The following DAB2IP variants were observed in gnomAD, a reference collection of about 807,000 sequenced individuals.
DAB2IP encodes the protein disabled homolog 2-interacting protein.
In DAB2IP, 28 loss-of-function variants were observed where a neutral mutation model predicts 107.2. That is an observed-to-expected ratio of 0.26 (90% CI 0.19 to 0.36). DAB2IP has a LOEUF of 0.36. DAB2IP is among the 10% of genes least tolerant of loss of function. The pLI is 1.00. For missense variants in DAB2IP, 1,400 were observed against 1,644.7 expected, an observed-to-expected ratio of 0.85 and a Z score of 2.57; for synonymous variants, 755 against 706.4, an observed-to-expected ratio of 1.07 and a Z score of -1.09.
At chr9:121,754,223 A>G (rs970894975) in intron 3 of DAB2IP, among the ~76,000 whole-genome samples, 4 of 152,218 alleles carry the variant, frequency 2.6e-5, no homozygotes, top group African/African-American at 9.6e-5. Context: ...GGGTCACAGC[A>G]GACCAGCTCC....
intron 1 of DAB2IP, chr9:121,574,770 T>C (rs552160060): frequency 6.6e-6 from 1 of 152,272 alleles, no homozygotes; most frequent in Admixed American, 6.5e-5. Flanking sequence ...CCCTTTCCCA[T>C]GCCCAGGGGG....
At chr9:121,595,807 G>A (rs868072682) in intron 1 of DAB2IP, among the ~76,000 whole-genome samples, 1 of 152,016 alleles carries the variant, frequency 6.6e-6, no homozygotes, top group East Asian at 1.9e-4. Flanking sequence ...TATTCTGTTC[G>A]GCATGTTTAA....
intron 2 of DAB2IP, among the ~76,000 whole-genome samples, chr9:121,688,928 T>C (rs1829024597): frequency 6.6e-6 from 1 of 152,108 alleles, no homozygotes; most frequent in African/African-American, 2.4e-5. Flanking sequence ...GCCAGAGTGG[T>C]CCCCTGCCTT....
chr9:121,734,234 G>A lies in DAB2IP; in HGVS notation c.363-22779G>A, dbSNP rs867487134. Among the ~76,000 whole-genome samples, 20 of 149,420 alleles carry A rather than the reference G, an allele frequency of 1.3e-4. 1 individual carries two copies. The South Asian group carries it at 1.5e-3, about 11-fold the overall frequency. ...CTACTAAAAATACAAAAAATTAGCC[G>A]GGCGCGGTGGCGGGCGCCTGTAGTC... On this transcript the variant is annotated intron_variant, in intron 3 of 15. Transcript: ENST00000408936.
chr9:121,656,132 C>G (rs1407238009), intron 1 of DAB2IP, among the ~76,000 whole-genome samples: 1 of 152,102 alleles, frequency 6.6e-6, no homozygotes, highest in African/African-American at 2.4e-5. Flanking sequence ...CCTCAGCCTC[C>G]CGAGTAGCTG....
At chr9:121,715,637 G>A (rs1264569610) in intron 3 of DAB2IP, among the ~76,000 whole-genome samples, 5 of 152,142 alleles carry the variant, frequency 3.3e-5, no homozygotes, top group African/African-American at 1.2e-4. Flanking sequence ...ACAGGCCTGA[G>A]CCACTGCACC....
rs529570797 is a variant in DAB2IP, at chr9:121,746,289, A to C, written c.363-10724A>C. The stretch of plus-strand genomic sequence containing the variant: ...CTGGTTACTGAGGCTGTGTATGGAG[A>C]GCTCGCTGCAGGTCAGTTGAGCCCT... On this transcript the variant is annotated intron_variant, in intron 3 of 15. Coordinates refer to ENST00000408936, the Ensembl canonical transcript of DAB2IP. 5.9e-5 allele frequency among the ~76,000 whole-genome samples: 9 copies of C among 152,230 alleles called. No individual in the cohort carries two copies. In the South Asian group the frequency reaches 8.3e-4, roughly 14 times the overall value.
chr9:121,766,369 A>G, intron 8 of DAB2IP, 125 bp from the exon 9 acceptor site: 1 of 836,594 alleles, frequency 1.2e-6, no homozygotes, highest in South Asian at 1.6e-5. Flanking sequence ...GAGCTCAGAC[A>G]GCGGGGCTGA....
At chr9:121,572,296 T>A (rs949012792) in intron 1 of DAB2IP, among the ~76,000 whole-genome samples, 6 of 152,106 alleles carry the variant, frequency 3.9e-5, no homozygotes, top group African/African-American at 1.5e-4. Context: ...CATGAGACTA[T>A]AAGGCCCTTG....
rs116189689 is a variant in DAB2IP, at chr9:121,776,810, G to A, written c.3314+419G>A. 1.3e-3 allele frequency among the ~76,000 whole-genome samples: 195 copies of A among 152,154 alleles called. 1 individual carries two copies. The highest frequency in any genetic ancestry group is 4.3e-3 in the African/African-American group (180 of 41,510). ...AGTAGATGAAGGTGGAAGACACAGC[G>A]TAGCCCCCAGATTCCTACCAAGAGT... is the stretch of plus-strand genomic sequence containing the variant. On this transcript the variant is annotated intron_variant, in intron 14 of 15. Transcript: ENST00000408936. This position sits in a 1 kb window ranked among gnomAD's most constrained non-coding sequence, Gnocchi z 5.4.
At chr9:121,764,746 C>T (rs893901901) in intron 8 of DAB2IP, among the ~76,000 whole-genome samples, 7 of 152,230 alleles carry the variant, frequency 4.6e-5, no homozygotes, top group African/African-American at 1.7e-4. Context: ...GGCCTTACCT[C>T]ACTCCTTGTT....
Position 121,699,087 on chromosome 9 carries a change from A to AGGGGGCGGGGGCGACGTG in DAB2IP, c.229-236_229-219dup. Among the ~76,000 whole-genome samples, 1 of 143,118 alleles carries AGGGGGCGGGGGCGACGTG rather than the reference A, an allele frequency of 7.0e-6. No individual in the cohort carries two copies. Among genetic ancestry groups the AGGGGGCGGGGGCGACGTG allele is most frequent in the Non-Finnish European group, 1.5e-5 (1 of 64,968 alleles). The allele number at this position is 143,118 out of a possible 152,430, so 93.9% of individuals were successfully genotyped here. ...GGCGTCGCCAAGGCAACAGCGGCTT[A>AGGGGGCGGGGGCGACGTG]GGGGGCGGGGGCGACGTGGCGGGCG... On this transcript the variant is annotated intron_variant, in intron 2 of 15. Transcript: ENST00000408936. This position sits in a 1 kb window ranked among gnomAD's most constrained non-coding sequence, Gnocchi z 6.2.
rs367747884 is a variant in DAB2IP at position 121,760,027 on chromosome 9, A to G, written c.758A>G (p.Asn253Ser). Residue 253 changes from asparagine to serine, a missense_variant, in exon 6 of 16, where the codon AAT becomes AGT. Physicochemically the swap from Asn to Ser is conservative, Grantham distance 46. This residue lies in a region of DAB2IP where 517 missense variants were observed against 748.6 expected (regional missense o/e 0.69). Coordinates refer to ENST00000408936, the Ensembl canonical transcript of DAB2IP. The surrounding 1 kb of genome is among the most constrained non-coding windows in gnomAD (Gnocchi z 5.9). The stretch of plus-strand genomic sequence containing the variant: ...ACCACGGGCAAGCTCAAGACGGACA[A>G]TGTTTTCTGGGGCGAGCACTTCGAG... 17 of 1,613,966 alleles carry G rather than the reference A, an allele frequency of 1.1e-5. No individual in the cohort carries two copies. The highest frequency in any genetic ancestry group is 4.0e-5 in the African/African-American group (3 of 74,908).
intron 1 of DAB2IP, among the ~76,000 whole-genome samples, chr9:121,584,336 G>C (rs1830269404): frequency 6.6e-6 from 1 of 151,994 alleles, no homozygotes. Context: ...CCAGGAATTT[G>C]AGGCTGCAGT....
In DAB2IP at chr9:121,773,192, G is replaced by T. The variant is rs775509420; in HGVS notation, c.2664G>T (p.Glu888Asp). The T allele has an allele frequency of 6.3e-7, 1 of 1,583,682 alleles. No homozygotes were observed. Among genetic ancestry groups the T allele is most frequent in the Admixed American group, 1.8e-5 (1 of 56,050 alleles). The change falls in exon 12 of 16, where the codon GAG becomes GAT. Residue 888 changes from glutamate (E) to aspartate (D), a missense_variant. Transcript: ENST00000408936. ...AGGAGCTGGCTCGGCGGCCCGGTGA[G>T]CTGGCACGGCGACAGATGTCACTGA...
At position 121,682,764 on chromosome 9, in the gene DAB2IP, C is replaced by T. The variant is rs185888293; in HGVS notation, c.228+3983C>T. On this transcript the variant is annotated intron_variant, in intron 2 of 15. Transcript: ENST00000408936. ...AGAGAATGGGCTCTAGAGAGTTCCC[C>T]GACCCAGGTTTCAGGCCCTGCACAG... Among the ~76,000 whole-genome samples, 8 of 152,268 alleles carry T rather than the reference C, an allele frequency of 5.3e-5. No individual in the cohort carries two copies. In the East Asian group the frequency reaches 1.3e-3, roughly 26 times the overall value.
At chr9:121,682,169 C>T (rs1012984379) in intron 2 of DAB2IP, among the ~76,000 whole-genome samples, 19 of 152,210 alleles carry the variant, frequency 1.2e-4, no homozygotes, top group African/African-American at 4.6e-4. Context: ...GTAGCACACA[C>T]TTGCTCACTT....
chr9:121,731,119 T>TATA, intron 3 of DAB2IP, among the ~76,000 whole-genome samples: 1 of 152,364 alleles, frequency 6.6e-6, no homozygotes, highest in South Asian at 2.1e-4. Flanking sequence ...CTTCTGGGCC[T>TATA]ACAGCCTGTT....
intron 1 of DAB2IP, among the ~76,000 whole-genome samples, chr9:121,677,419 G>A (rs1317827556): frequency 6.6e-6 from 1 of 152,118 alleles, no homozygotes; most frequent in African/African-American, 2.4e-5. Flanking sequence ...CTACTTGGGA[G>A]GCTGAGGCAG....
Sources: gnomAD v4.1 joint callset for allele counts (sites outside exome capture counted in the v4.1 genomes callset) on GRCh38, gnomAD v4.1.1 for gene constraint, gnomAD v4.1.1 regional missense constraint, Gnocchi (gnomAD v3.1) non-coding constraint, MANE v1.5 for transcripts, NCBI Gene and HGNC (gene_info 2026-07-23, HGNC 2026-07-21) for gene names.